The following BLTP3B variants were observed in gnomAD, a reference collection of about 807,000 sequenced individuals.
The protein encoded by BLTP3B is UHRF1 (ICBP90) binding protein 1-like.
At chr12:100,108,908 C>G in the BLTP3B span, among the ~76,000 whole-genome samples, 1 of 152,020 alleles carries the variant, frequency 6.6e-6, no homozygotes, top group Non-Finnish European at 1.5e-5. Context: ...TCACCAGAGG[C>G]TGGAAAGGGT....
At chr12:100,142,503 C>G in the BLTP3B span, 28 of 1,442,076 alleles carry the variant, frequency 1.9e-5, no homozygotes, top group Middle Eastern at 3.5e-3. Flanking sequence ...GCACAGCCGC[C>G]AGGCGCCGCC....
At chr12:100,142,520 G>A in the BLTP3B span, 2 of 1,538,192 alleles carry the variant, frequency 1.3e-6, no homozygotes, top group South Asian at 1.2e-5. Context: ...CGCCGCCCCC[G>A]AAGCCGCAGG....
chr12:100,104,486 G>A, the BLTP3B span, among the ~76,000 whole-genome samples: 2 of 151,012 alleles, frequency 1.3e-5, no homozygotes, highest in Non-Finnish European at 2.9e-5. Flanking sequence ...TTACAGGCAC[G>A]CACCACCATG....
chr12:100,107,289 CAAAAAAAAAA>C, the BLTP3B span, among the ~76,000 whole-genome samples: 3 of 35,346 alleles, frequency 8.5e-5, no homozygotes, highest in Non-Finnish European at 1.4e-4. Flanking sequence ...CTCCATCTCC[CAAAAAAAAAA>C]AAAAAAAAAA....
At chr12:100,104,017 A>G in the BLTP3B span, 12 of 1,221,460 alleles carry the variant, frequency 9.8e-6, no homozygotes, top group Non-Finnish European at 1.4e-5. Flanking sequence ...ACAGTAATCA[A>G]TACAGGTGTT....
chr12:100,121,059 C>T, the BLTP3B span, among the ~76,000 whole-genome samples: 1 of 151,858 alleles, frequency 6.6e-6, no homozygotes, highest in Admixed American at 6.6e-5. Flanking sequence ...CTAGAAAATG[C>T]AAACTAGGCC....
chr12:100,086,374 G>T, the BLTP3B span: 21 of 608,364 alleles, frequency 3.5e-5, 3 homozygotes, highest in South Asian at 6.8e-5. Flanking sequence ...AAAAAAAAAG[G>T]GGGGGGGGGA....
At chr12:100,078,500 C>G in the BLTP3B span, among the ~76,000 whole-genome samples, 2 of 152,132 alleles carry the variant, frequency 1.3e-5, no homozygotes, top group Non-Finnish European at 2.9e-5. Flanking sequence ...TTTATGATAG[C>G]AAAACGACGC....
the BLTP3B span, among the ~76,000 whole-genome samples, chr12:100,076,357 C>T: frequency 2.7e-5 from 4 of 146,002 alleles, no homozygotes; most frequent in Admixed American, 1.4e-4. Context: ...GGTTTACTTA[C>T]GTTTCCTCTT....
chr12:100,141,591 T>C, the BLTP3B span, among the ~76,000 whole-genome samples: 1 of 152,168 alleles, frequency 6.6e-6, no homozygotes, highest in Admixed American at 6.6e-5. Context: ...TAAGACAATC[T>C]GGGGAATCAA....
At chr12:100,110,384 G>A in the BLTP3B span, among the ~76,000 whole-genome samples, 4 of 152,022 alleles carry the variant, frequency 2.6e-5, no homozygotes, top group South Asian at 2.1e-4. Flanking sequence ...TTCTGATCAC[G>A]CTTGATTCAA....
chr12:100,083,699 A>G, the BLTP3B span, among the ~76,000 whole-genome samples: 2 of 152,070 alleles, frequency 1.3e-5, no homozygotes, highest in African/African-American at 4.8e-5. Context: ...GCAAAAAAAA[A>G]AAAAGTAGTA....
chr12:100,100,552 A>C, the BLTP3B span, among the ~76,000 whole-genome samples: 2 of 151,908 alleles, frequency 1.3e-5, no homozygotes, highest in Admixed American at 6.6e-5. Context: ...CTCTACAAAA[A>C]ATACAAAAAA....
the BLTP3B span, chr12:100,086,377 G>A: frequency 1.2e-5 from 9 of 736,848 alleles, no homozygotes; most frequent in Admixed American, 2.9e-5. Context: ...AAAAAAGGGG[G>A]GGGGGGAAAT....
At chr12:100,101,266 C>T in the BLTP3B span, among the ~76,000 whole-genome samples, 2 of 152,152 alleles carry the variant, frequency 1.3e-5, no homozygotes, top group Non-Finnish European at 2.9e-5. Flanking sequence ...TTAGTCAACT[C>T]TTAGAAGTGG....
chr12:100,121,558 T>C, the BLTP3B span, among the ~76,000 whole-genome samples: 4 of 152,068 alleles, frequency 2.6e-5, no homozygotes, highest in East Asian at 7.8e-4. Context: ...AGGCCAGGCA[T>C]GGTGGCTCAA....
chr12:100,103,489 T>C, the BLTP3B span, among the ~76,000 whole-genome samples: 1 of 152,206 alleles, frequency 6.6e-6, no homozygotes, highest in East Asian at 1.9e-4. Context: ...TTGATCATTG[T>C]ATTTTTTAAA....
At chr12:100,124,028 C>T in the BLTP3B span, among the ~76,000 whole-genome samples, 3 of 152,000 alleles carry the variant, frequency 2.0e-5, no homozygotes, top group Non-Finnish European at 4.4e-5. Context: ...CTTTGGAAGG[C>T]CGAAGACAGA....
chr12:100,091,998 G>A, the BLTP3B span, among the ~76,000 whole-genome samples: 1 of 150,570 alleles, frequency 6.6e-6, no homozygotes, highest in African/African-American at 2.4e-5. Context: ...TTGTACAGAT[G>A]GGGTTTCACC....
Sources: allele counts gnomAD v4.1 joint callset (sites outside exome capture counted in the v4.1 genomes callset), GRCh38; gene constraint gnomAD v4.1.1; transcripts MANE v1.5; gene names NCBI Gene and HGNC (gene_info 2026-07-23, HGNC 2026-07-21).